The following DNAJC13 variants were observed in gnomAD, a reference collection of about 807,000 sequenced individuals.
The protein encoded by DNAJC13 is DnaJ heat shock protein family (Hsp40) member C13, also known as dnaJ homolog subfamily C member 13.
A neutral mutation model predicts 290.5 loss-of-function variants in DNAJC13; 75 were observed. The ratio of observed to expected loss-of-function variants is 0.26; its 90% CI spans 0.21 to 0.31. DNAJC13 has a LOEUF of 0.31. Among genes scored for constraint, DNAJC13 ranks in the 10% least tolerant of loss-of-function variants. DNAJC13 has a pLI of 1.00. For synonymous variants in DNAJC13, 862 were observed against 892.0 expected, an observed-to-expected ratio of 0.97 and a Z score of 0.60; for missense variants, 2,260 against 2,674.5, an observed-to-expected ratio of 0.85 and a Z score of 3.42.
At chr3:132,421,529 C>T (rs1938959563) in intron 1 of DNAJC13, among the ~76,000 whole-genome samples, 1 of 151,918 alleles carries the variant, frequency 6.6e-6, no homozygotes, top group Non-Finnish European at 1.5e-5. Context: ...ACGATCTTGG[C>T]TCACTGCAAC....
At chr3:132,528,148 A>G (rs970542138) in intron 53 of DNAJC13, 41 bp from the exon 54 acceptor site, 1 of 1,604,662 alleles carries the variant, frequency 6.2e-7, no homozygotes, top group African/African-American at 1.3e-5. Context: ...GATGATTTGC[A>G]TTTTTTCTGT....
rs774493218 is a variant in DNAJC13 at position 132,488,942 on chromosome 3, C to T, written c.3423-34C>T. 7.8e-6 allele frequency: 12 copies of T among 1,536,770 alleles called. No homozygotes were observed. In the South Asian group the frequency reaches 1.0e-4, roughly 13 times the overall value. On this transcript the variant is annotated intron_variant, in intron 30 of 55. Coordinates refer to ENST00000260818, the MANE Select transcript of DNAJC13 (RefSeq NM_015268.4). ...AAGGTTACAAAAACTAAATCGGTTT[C>T]TATATCTGATAGATAATTCATTTTT...
chr3:132,451,095 G>A (rs767519763), intron 6 of DNAJC13, among the ~76,000 whole-genome samples: 1 of 152,090 alleles, frequency 6.6e-6, no homozygotes, highest in Non-Finnish European at 1.5e-5. Context: ...GGCTTAGTAC[G>A]GTAAACAGTG....
chr3:132,422,264 T>C (rs148723295), intron 1 of DNAJC13, among the ~76,000 whole-genome samples: 1 of 152,088 alleles, frequency 6.6e-6, no homozygotes, highest in African/African-American at 2.4e-5. Flanking sequence ...CTCAAACTCC[T>C]GAGCTCAAGC....
chr3:132,457,255 T>C lies in DNAJC13; in HGVS notation c.1350-14T>C, dbSNP rs371679208. The C allele has an allele frequency of 1.0e-5, 16 of 1,590,000 alleles. No individual in the cohort carries two copies. The African/African-American group carries it at 1.2e-4, about 12-fold the overall frequency. ...CTGGTATTGCTAGTATATGCTTGTT[T>C]TTTGTTCCAAAAGGTTTCGCGAGCG... On this transcript the variant is annotated splice_polypyrimidine_tract_variant and intron_variant, in intron 12 of 55. Coordinates refer to ENST00000260818, the MANE Select transcript of DNAJC13 (RefSeq NM_015268.4).
At chr3:132,476,796 G>C (rs762721896) in intron 22 of DNAJC13, among the ~76,000 whole-genome samples, 1 of 152,156 alleles carries the variant, frequency 6.6e-6, no homozygotes, top group Non-Finnish European at 1.5e-5. Flanking sequence ...CTCATAACCT[G>C]TTTTCTCATC....
chr3:132,444,945 A>G (rs975233318), intron 2 of DNAJC13, among the ~76,000 whole-genome samples: 5 of 152,184 alleles, frequency 3.3e-5, no homozygotes, highest in African/African-American at 1.2e-4. Flanking sequence ...ATGTAGCAAT[A>G]CTTTTGTATA....
Position 132,483,460 on chromosome 3 carries a change from C to A in DNAJC13, c.3065C>A (p.Ser1022Tyr). ...ATGGATGGATGGCGACCACTTCAGT[C>A]CATACCCCAGCTTAAGTGGTGTCTC... ...QGMDGWRPLQSIPQLKWCLLA... is the reference protein window; with the variant it reads ...QGMDGWRPLQYIPQLKWCLLA... Residue 1022 changes from serine (S) to tyrosine (Y), a missense_variant, in exon 28 of 56, where the codon TCC becomes TAC. By Grantham distance (144) the Ser-to-Tyr change is moderately radical. Coordinates refer to ENST00000260818, the MANE Select transcript of DNAJC13 (RefSeq NM_015268.4). 1 of 1,614,138 alleles carries A rather than the reference C, an allele frequency of 6.2e-7. No homozygotes were observed. The highest frequency in any genetic ancestry group is 8.5e-7 in the Non-Finnish European group (1 of 1,179,994).
chr3:132,434,581 G>T lies in DNAJC13; in HGVS notation c.31G>T (p.Ala11Ser). 1 of 1,611,750 alleles carries T rather than the reference G, an allele frequency of 6.2e-7. No individual in the cohort carries two copies. The highest frequency in any genetic ancestry group is 2.2e-5 in the East Asian group (1 of 44,808). MNIIRENKDL[A>S]CFYTTKHSWR... ...CATAATTAGGGAAAATAAGGATCTG[G>T]CATGTTTCTACACAACAAAACATTC... Residue 11 changes from alanine (A) to serine (S), a missense_variant, in exon 2 of 56, where the codon GCA becomes TCA. Transcript: ENST00000260818.
At chr3:132,537,601 C>G (rs1936636656) in intron 55 of DNAJC13, among the ~76,000 whole-genome samples, 1 of 152,230 alleles carries the variant, frequency 6.6e-6, no homozygotes, top group Admixed American at 6.5e-5. Flanking sequence ...ACTAAAATAT[C>G]AGTACCCTTT....
At chr3:132,462,643 G>GT in intron 16 of DNAJC13, 120 bp downstream of exon 16, 1 of 639,410 alleles carries the variant, frequency 1.6e-6, no homozygotes, top group Non-Finnish European at 2.6e-6. Flanking sequence ...GGTAAGAAAA[G>GT]TAATTTTAAA....
At chr3:132,481,535 T>C (rs1327547413) in intron 26 of DNAJC13, among the ~76,000 whole-genome samples, 20 of 152,184 alleles carry the variant, frequency 1.3e-4, no homozygotes, top group Admixed American at 1.3e-3. Context: ...GAGGCATTTT[T>C]GTGCCATTGC....
At chr3:132,512,108 G>C (rs78677447) in intron 44 of DNAJC13, among the ~76,000 whole-genome samples, 1 of 152,100 alleles carries the variant, frequency 6.6e-6, no homozygotes, top group Non-Finnish European at 1.5e-5. Context: ...TCAAAGTGTC[G>C]AATATTACTA....
chr3:132,451,537 A>G (rs928941363), intron 6 of DNAJC13, among the ~76,000 whole-genome samples: 1 of 152,158 alleles, frequency 6.6e-6, no homozygotes, highest in African/African-American at 2.4e-5. Context: ...TGAAGTATAT[A>G]TAACTATTTT....
chr3:132,532,502 C>T (rs950004669), intron 55 of DNAJC13, among the ~76,000 whole-genome samples: 1 of 152,084 alleles, frequency 6.6e-6, no homozygotes, highest in Non-Finnish European at 1.5e-5. Flanking sequence ...CATCCCCTGT[C>T]CCTCATATCT....
intron 32 of DNAJC13, among the ~76,000 whole-genome samples, chr3:132,491,760 C>A (rs565506906): frequency 7.2e-5 from 11 of 152,228 alleles, no homozygotes; most frequent in Admixed American, 6.5e-4. Flanking sequence ...CAATTACTGA[C>A]CCTCGTCAGA....
chr3:132,487,878 A>G (rs1576494078), intron 29 of DNAJC13, among the ~76,000 whole-genome samples: 1 of 151,926 alleles, frequency 6.6e-6, no homozygotes, highest in East Asian at 1.9e-4. Flanking sequence ...TTCTGGATCT[A>G]CCTTTTAGGC....
chr3:132,528,161 G>T (rs1352201934), intron 53 of DNAJC13, 28 bp from the exon 54 acceptor site: 18 of 1,610,996 alleles, frequency 1.1e-5, no homozygotes, highest in Non-Finnish European at 1.4e-5. Context: ...TTTTCTGTGT[G>T]TTTATATATG....
intron 31 of DNAJC13, 46 bp downstream of exon 31, chr3:132,489,067 T>G: frequency 6.6e-7 from 1 of 1,514,770 alleles, no homozygotes; most frequent in South Asian, 1.1e-5. Flanking sequence ...GGTAAGCTGT[T>G]TTGGCACTAT....
Sources: gnomAD v4.1 joint callset for allele counts (sites outside exome capture counted in the v4.1 genomes callset) on GRCh38, gnomAD v4.1.1 for gene constraint, MANE v1.5 for transcripts, NCBI Gene and HGNC (gene_info 2026-07-23, HGNC 2026-07-21) for gene names.